CLCN6: variants seen among roughly 807,000 people sequenced by gnomAD.
The protein encoded by CLCN6 is Cl-/H+ antiporter 6.
A neutral mutation model predicts 109.8 loss-of-function variants in CLCN6; 70 were observed. The ratio of observed to expected loss-of-function variants is 0.64; its 90% CI spans 0.53 to 0.78. The LOEUF (loss-of-function observed/expected upper bound fraction) is 0.78. CLCN6 is among the 30% of genes least tolerant of loss of function. The pLI is 0.00. For missense variants in CLCN6, 984 were observed against 1,142.3 expected (o/e 0.86, Z 2.00); for synonymous variants, 444 against 447.8 (o/e 0.99, Z 0.11).
chr1:11,835,133 G>A (rs1024892453), intron 17 of CLCN6, among the ~76,000 whole-genome samples: 2 of 152,204 alleles, frequency 1.3e-5, no homozygotes, highest in South Asian at 2.1e-4. Context: ...TCAACTTTCC[G>A]GGCTGTATGG....
chr1:11,830,913 A>G (rs766855973), intron 13 of CLCN6, among the ~76,000 whole-genome samples: 8 of 151,766 alleles, frequency 5.3e-5, no homozygotes, highest in Non-Finnish European at 8.8e-5. Context: ...GGCCCACTGC[A>G]ACTTCCGCCT....
chr1:11,836,173 AG>A lies in CLCN6; in HGVS notation c.1980+22del. 1 of 1,605,324 alleles carries A rather than the reference AG, an allele frequency of 6.2e-7. No individual in the cohort carries two copies. Among genetic ancestry groups the A allele is most frequent in the Non-Finnish European group, 8.5e-7 (1 of 1,175,568 alleles). ...TTCAAGGTAAAGAAAACGGCATGAG[AG>A]GAAAGGCAGGTGAGAGACAAGCGGT... is the stretch of plus-strand genomic sequence containing the variant. On this transcript the variant is annotated intron_variant, in intron 18 of 22. Coordinates refer to ENST00000346436, the MANE Select transcript of CLCN6 (RefSeq NM_001286.5).
At chr1:11,809,708 T>G (rs952477710) in intron 2 of CLCN6, among the ~76,000 whole-genome samples, 1 of 152,208 alleles carries the variant, frequency 6.6e-6, no homozygotes, top group African/African-American at 2.4e-5. Flanking sequence ...TCCACCCACC[T>G]CAGCCTCCCA....
Position 11,815,835 on chromosome 1 carries a change from C to T in CLCN6, c.148-11C>T, listed in dbSNP as rs767445795. The T allele has an allele frequency of 1.2e-6, 2 of 1,612,044 alleles. No homozygotes were observed. The highest frequency in any genetic ancestry group is 4.5e-5 in the East Asian group (2 of 44,856). On this transcript the variant is annotated splice_polypyrimidine_tract_variant and intron_variant, in intron 2 of 22. Coordinates refer to ENST00000346436, the MANE Select transcript of CLCN6 (RefSeq NM_001286.5). ...GACATGACCTTTTGACTCAACTTTG[C>T]CTCTTTTCAGAGTTTGGATTATGAT...
intron 7 of CLCN6, 45 bp downstream of exon 7, chr1:11,823,878 AGAC>A: frequency 6.2e-7 from 1 of 1,608,162 alleles, no homozygotes; most frequent in Non-Finnish European, 8.5e-7. Context: ...CAAAGGGCAG[AGAC>A]GACAAGAAGC....
In CLCN6 at chr1:11,828,445, C is replaced by T; in HGVS notation, c.955-13C>T. On this transcript the variant is annotated splice_polypyrimidine_tract_variant and intron_variant, in intron 11 of 22. Coordinates refer to ENST00000346436, the MANE Select transcript of CLCN6 (RefSeq NM_001286.5). ...ATGGTTTTTCTCTCCCTCTCCCTTTCCCCTTCTCTCAGTGCTCTGACTCTG... is the reference window on the plus strand; with the variant it reads ...ATGGTTTTTCTCTCCCTCTCCCTTTTCCCTTCTCTCAGTGCTCTGACTCTG... 6.2e-7 allele frequency: 1 copy of T among 1,614,046 alleles called. No individual in the cohort carries two copies. The highest frequency in any genetic ancestry group is 8.5e-7 in the Non-Finnish European group (1 of 1,179,926).
chr1:11,832,019 A>G (rs1410493461), intron 13 of CLCN6, among the ~76,000 whole-genome samples: 1 of 152,220 alleles, frequency 6.6e-6, no homozygotes, highest in East Asian at 1.9e-4. Context: ...CATAAGTGTT[A>G]TAAATGTTTG....
In CLCN6 at chr1:11,837,561, G is replaced by A. The variant is rs551048570; in HGVS notation, c.2295+62G>A. ...CCTGACGAAGCTCGAGGGGTTGGGC[G>A]CTGCCGGCGGGCCGTGAACAGTGCC... is the stretch of plus-strand genomic sequence containing the variant. On this transcript the variant is annotated intron_variant, in intron 20 of 22. Transcript: ENST00000346436. 8.4e-6 allele frequency: 13 copies of A among 1,540,342 alleles called. No homozygotes were observed. In the African/African-American group the frequency reaches 9.5e-5, roughly 11 times the overall value.
chr1:11,826,132 T>C, intron 8 of CLCN6, 24 bp from the exon 9 acceptor site: 1 of 1,588,976 alleles, frequency 6.3e-7, no homozygotes, highest in Non-Finnish European at 8.6e-7. Context: ...GGCTCTTTAG[T>C]GGCTCTCTTT....
chr1:11,834,080 GTGCGTGTGTA>G lies in CLCN6; in HGVS notation c.1526+54_1526+63del, dbSNP rs760084764. The G allele has an allele frequency of 4.6e-5, 73 of 1,604,100 alleles. 1 individual carries two copies. The South Asian group carries it at 8.0e-4, about 18-fold the overall frequency. On this transcript the variant is annotated intron_variant, in intron 15 of 22. Transcript: ENST00000346436. The surrounding 1 kb of genome is among the most constrained non-coding windows in gnomAD (Gnocchi z 4.5). Reference sequence around the variant, plus strand: ...TGCGCATGTGCATGTGTGTGCACGTGTGCGTGTGTATGCATGTGTGTGCGTGTGCGTGCGT... The same window carrying G: ...TGCGCATGTGCATGTGTGTGCACGTGTGCATGTGTGTGCGTGTGCGTGCGT...
chr1:11,819,425 C>T, intron 4 of CLCN6, 63 bp from the exon 5 acceptor site: 8 of 1,444,092 alleles, frequency 5.5e-6, no homozygotes, highest in Non-Finnish European at 7.8e-6. Flanking sequence ...AGGAGCACAC[C>T]TGTACTATAC....
At chr1:11,824,901 T>C (rs1054439784) in intron 8 of CLCN6, among the ~76,000 whole-genome samples, 4 of 152,214 alleles carry the variant, frequency 2.6e-5, no homozygotes, top group African/African-American at 9.6e-5. Flanking sequence ...AAGCATCGAC[T>C]GACATGGTTT....
At position 11,834,069 on chromosome 1, in the gene CLCN6, TGTGTGCAC is replaced by T; in HGVS notation, c.1526+46_1526+53del. 2.5e-6 allele frequency: 4 copies of T among 1,605,402 alleles called. No homozygotes were observed. Among genetic ancestry groups the T allele is most frequent in the East Asian group, 2.2e-5 (1 of 44,746 alleles). ...GTGCGTGTGTGTGCGCATGTGCATG[TGTGTGCAC>T]GTGTGCGTGTGTATGCATGTGTGTG... On this transcript the variant is annotated intron_variant, in intron 15 of 22. Coordinates refer to ENST00000346436, the MANE Select transcript of CLCN6 (RefSeq NM_001286.5). The surrounding 1 kb of genome is among the most constrained non-coding windows in gnomAD (Gnocchi z 4.5).
intron 10 of CLCN6, among the ~76,000 whole-genome samples, chr1:11,827,756 G>A (rs1347725587): frequency 6.6e-6 from 1 of 152,226 alleles, no homozygotes; most frequent in Admixed American, 6.5e-5. Flanking sequence ...GAAACTGGCT[G>A]TTGTCATAAA....
Position 11,830,737 on chromosome 1 carries a change from T to TATAATATATATA in CLCN6, c.1248+1415_1248+1416insATAATATATATA, listed in dbSNP as rs1359328796. Among the ~76,000 whole-genome samples the TATAATATATATA allele has an allele frequency of 4.6e-4, 42 of 91,116 alleles. 1 individual carries two copies. The highest frequency in any genetic ancestry group is 1.8e-3 in the South Asian group (5 of 2,748). The allele number at this position is 91,116 out of a possible 152,430, so 59.8% of individuals were successfully genotyped here. A position where few individuals can be genotyped will look rare whatever the true frequency, so the allele number is the denominator to read the frequency against. On this transcript the variant is annotated intron_variant, in intron 13 of 22. Coordinates refer to ENST00000346436, the MANE Select transcript of CLCN6 (RefSeq NM_001286.5). ...CAGTGTCCCCAGTTATATGTATATA[T>TATAATATATATA]TATATATATATATATATATATATAT...
intron 22 of CLCN6, 81 bp downstream of exon 22, chr1:11,838,741 C>A: frequency 6.3e-7 from 1 of 1,598,400 alleles, no homozygotes; most frequent in Non-Finnish European, 8.6e-7. Flanking sequence ...AGGCTTCTCA[C>A]CAGAAACGTA....
intron 18 of CLCN6, 150 bp downstream of exon 18, chr1:11,836,303 A>G (rs1003768258): frequency 1.5e-6 from 1 of 687,996 alleles, no homozygotes. Context: ...CAGGGAGAGT[A>G]GATTTGACAG....
intron 18 of CLCN6, among the ~76,000 whole-genome samples, chr1:11,836,703 G>A (rs1419743827): frequency 6.6e-6 from 1 of 152,194 alleles, no homozygotes; most frequent in African/African-American, 2.4e-5. Context: ...GGCTTTGGGG[G>A]CAGGCACGTT....
rs1395896271 is a variant in CLCN6 at position 11,841,443 on chromosome 1, C to T, written c.*1220C>T. On this transcript the variant is annotated 3_prime_UTR_variant, in exon 23 of 23. Transcript: ENST00000346436. ...GTCGTTCAGTGACGTCATTCTTCTC[C>T]AGGCTGGCCCGCCCCCTCTGACTAG... 1.3e-5 allele frequency: 2 copies of T among 152,284 alleles called. No homozygotes were observed. The highest frequency in any genetic ancestry group is 4.8e-5 in the African/African-American group (2 of 41,464). The allele number at this position is 152,284 out of a possible 1,614,324, so 9.4% of individuals were successfully genotyped here.
Sources: gnomAD v4.1 joint callset for allele counts (sites outside exome capture counted in the v4.1 genomes callset) on GRCh38, gnomAD v4.1.1 for gene constraint, Gnocchi (gnomAD v3.1) non-coding constraint, MANE v1.5 for transcripts, NCBI Gene and HGNC (gene_info 2026-07-23, HGNC 2026-07-21) for gene names.